SGSH: variants seen among roughly 807,000 people sequenced by gnomAD.
SGSH encodes N-sulfoglucosamine sulfohydrolase, also known as heparan sulfate sulfatase.
Under a neutral mutation model 51.0 loss-of-function variants are expected in SGSH, and 48 were observed. The ratio of observed to expected loss-of-function variants is 0.94; its 90% confidence interval spans 0.75 to 1.20. SGSH has a LOEUF of 1.20. Ranked by LOEUF, SGSH falls within the 50% of genes most tolerant of loss-of-function variation. The pLI is 0.00. For missense variants in SGSH, 662 were observed against 717.8 expected (o/e 0.92, Z 0.89); for synonymous variants, 321 against 313.4 (o/e 1.02, Z -0.26).
chr17:80,213,131 T>A lies in SGSH; in HGVS notation c.745+673A>T, dbSNP rs1244940559. 1.3e-5 allele frequency: 2 copies of A among 151,026 alleles called. No homozygotes were observed. The highest frequency in any genetic ancestry group is 3.9e-4 in the East Asian group (2 of 5,154). The allele number at this position is 151,026 out of a possible 1,614,324, so 9.4% of individuals were successfully genotyped here. A position where few individuals can be genotyped will look rare whatever the true frequency, so the allele number is the denominator to read the frequency against. The stretch of plus-strand genomic sequence containing the variant: ...ATCGCTCGAACCTGGGAGGTGGTGG[T>A]TGTAGTGAGCCGAGATTGCGCCACT... On this transcript the variant is annotated intron_variant, in intron 6 of 7. Coordinates refer to ENST00000326317, the MANE Select transcript of SGSH (RefSeq NM_000199.5). This position sits in a 1 kb window ranked among gnomAD's most constrained non-coding sequence, Gnocchi z 4.6.
At chr17:80,203,073 G>C (rs957607446), downstream of SGSH, 1 of 152,394 alleles carries the variant, frequency 6.6e-6, no homozygotes, top group African/African-American at 2.4e-5. The surrounding 1 kb of genome is among the most constrained non-coding windows in gnomAD (Gnocchi z 4.6). Flanking sequence ...TTCGAGACCA[G>C]CCTGGGTAAC....
chr17:80,210,221 T>C lies in SGSH; in HGVS notation c.*231A>G, dbSNP rs967879992. 4.9e-6 allele frequency: 7 copies of C among 1,420,146 alleles called. No individual in the cohort carries two copies. The highest frequency in any genetic ancestry group is 1.4e-5 in the African/African-American group (1 of 69,460). The allele number at this position is 1,420,146 out of a possible 1,614,324, so 88.0% of individuals were successfully genotyped here. On this transcript the variant is annotated 3_prime_UTR_variant, in exon 8 of 8. Coordinates refer to ENST00000326317, the MANE Select transcript of SGSH (RefSeq NM_000199.5). Reference sequence around the variant, plus strand: ...ACAAGGACAACTGTGTCCCCTGCCATGACGGCAGTGCCCCTGGTGGTGGAG... The same window carrying C: ...ACAAGGACAACTGTGTCCCCTGCCACGACGGCAGTGCCCCTGGTGGTGGAG...
chr17:80,219,505 C>T (rs542021091), intron 1 of SGSH, among the ~76,000 whole-genome samples: 5 of 152,256 alleles, frequency 3.3e-5, no homozygotes, highest in African/African-American at 1.2e-4. Flanking sequence ...TTCTGGGAGG[C>T]GAGGAGTTGG....
intron 2 of SGSH, chr17:80,216,588 A>G (rs1174016371): frequency 5.1e-6 from 1 of 194,856 alleles, no homozygotes; most frequent in Non-Finnish European, 1.1e-5. Flanking sequence ...ATTTTACCAC[A>G]GTAAAATAGG....
At chr17:80,205,509 C>A, downstream of SGSH, 1 of 1,577,196 alleles carries the variant, frequency 6.3e-7, no homozygotes, top group South Asian at 1.2e-5. Context: ...TCTATGATGG[C>A]CCCGTCCAAT....
chr17:80,203,070 C>T (rs1421585211), downstream of SGSH: 1 of 152,390 alleles, frequency 6.6e-6, no homozygotes, highest in Non-Finnish European at 1.5e-5. This position sits in a 1 kb window ranked among gnomAD's most constrained non-coding sequence, Gnocchi z 4.6. Flanking sequence ...GAGTTCGAGA[C>T]CAGCCTGGGT....
rs922205597 is a variant in SGSH, at chr17:80,210,814, G to T, written c.1147C>A (p.His383Asn). 2 of 1,613,958 alleles carry T rather than the reference G, an allele frequency of 1.2e-6. No individual in the cohort carries two copies. The highest frequency in any genetic ancestry group is 2.7e-5 in the African/African-American group (2 of 74,938). The change falls in exon 8 of 8, where the codon CAC becomes AAC. Residue 383 changes from histidine (H) to asparagine (N), a missense_variant. Coordinates refer to ENST00000326317, the MANE Select transcript of SGSH (RefSeq NM_000199.5). ...TTGAGGTTGTGCACGAGGCGGAAGT[G>T]CCGGTGCTGCACGGAGCGCATGGGG... Reference protein sequence around the residue: ...SYPMRSVQHRHFRLVHNLNFK... With the variant: ...SYPMRSVQHRNFRLVHNLNFK...
At chr17:80,205,420 G>T, downstream of SGSH, 1 of 1,427,876 alleles carries the variant, frequency 7.0e-7, no homozygotes. Context: ...ATCCTAAGAA[G>T]AGCTTCTCCC....
chr17:80,200,971 C>T, the SGSH span: 1 of 152,446 alleles, frequency 6.6e-6, no homozygotes, highest in Non-Finnish European at 1.5e-5. Flanking sequence ...CACTTGCCCA[C>T]CACGCCCCTC....
downstream of SGSH, chr17:80,202,090 C>A: frequency 3.3e-6 from 4 of 1,230,560 alleles, no homozygotes; most frequent in East Asian, 2.3e-5. Flanking sequence ...TGGGAGGGTC[C>A]TTCCTTCTCT....
rs576879796 is a variant in SGSH at position 80,210,383 on chromosome 17, G to A, written c.*69C>T. The stretch of plus-strand genomic sequence containing the variant: ...GTTGCCACTACTCCCCAGGCTGGCC[G>A]GCCACACGGACACGTGTGGGATGTG... On this transcript the variant is annotated 3_prime_UTR_variant, in exon 8 of 8. Coordinates refer to ENST00000326317, the MANE Select transcript of SGSH (RefSeq NM_000199.5). 235 of 1,488,308 alleles carry A rather than the reference G, an allele frequency of 1.6e-4. 1 individual carries two copies. In the South Asian group the frequency reaches 2.8e-3, roughly 18 times the overall value. The allele number at this position is 1,488,308 out of a possible 1,614,324, so 92.2% of individuals were successfully genotyped here.
chr17:80,215,680 G>A (rs1236255724), intron 2 of SGSH, among the ~76,000 whole-genome samples: 4 of 152,150 alleles, frequency 2.6e-5, no homozygotes, highest in Non-Finnish European at 5.9e-5. Context: ...TTAGCTGGGC[G>A]TGGTGGCGGG....
rs1039649175 is a variant in SGSH at position 80,209,901 on chromosome 17, G to A, written c.*551C>T. On this transcript the variant is annotated 3_prime_UTR_variant, in exon 8 of 8. Coordinates refer to ENST00000326317, the MANE Select transcript of SGSH (RefSeq NM_000199.5). ...CAGAAGAAGCAGAAACCTGCCCAAA[G>A]GTCGCTCAAAGGCTTCCTCTAGGCC... 52 of 992,400 alleles carry A rather than the reference G, an allele frequency of 5.2e-5. No homozygotes were observed. Among genetic ancestry groups the A allele is most frequent in the Non-Finnish European group, 6.1e-5 (51 of 833,736 alleles). 61.5% of individuals were successfully genotyped at this position (992,400 alleles called of 1,614,324 possible). A position where few individuals can be genotyped will look rare whatever the true frequency, so the allele number is the denominator to read the frequency against.
Position 80,213,507 on chromosome 17 carries a change from C to T in SGSH, c.745+297G>A, listed in dbSNP as rs1177913343. 1 of 515,764 alleles carries T rather than the reference C, an allele frequency of 1.9e-6. No homozygotes were observed. The highest frequency in any genetic ancestry group is 3.3e-5 in the East Asian group (1 of 30,680). The allele number at this position is 515,764 out of a possible 1,614,324, so 31.9% of individuals were successfully genotyped here. On this transcript the variant is annotated intron_variant, in intron 6 of 7. Transcript: ENST00000326317. This position sits in a 1 kb window ranked among gnomAD's most constrained non-coding sequence, Gnocchi z 4.6. ...CTCCATCTGCATATGCTAAGGAACT[C>T]CAAACCCCCAAATCTGACCCAGGTC... is the stretch of plus-strand genomic sequence containing the variant.
Position 80,212,006 on chromosome 17 carries a change from C to A in SGSH, c.949+65G>T. 7.4e-7 allele frequency: 1 copy of A among 1,355,962 alleles called. No individual in the cohort carries two copies. The allele number at this position is 1,355,962 out of a possible 1,614,324, so 84.0% of individuals were successfully genotyped here. The stretch of plus-strand genomic sequence containing the variant: ...GTAATGGGTGTGGAGCAGCATCTGA[C>A]AGGTCATGGCCCCGTCCCAGATCCA... On this transcript the variant is annotated intron_variant, in intron 7 of 7. Transcript: ENST00000326317. The surrounding 1 kb of genome is among the most constrained non-coding windows in gnomAD (Gnocchi z 5.9).
chr17:80,208,697 GC>G (rs1295146857), downstream of SGSH: 6 of 227,668 alleles, frequency 2.6e-5, no homozygotes, highest in Non-Finnish European at 3.4e-5. Flanking sequence ...CTGTCTGCAG[GC>G]CCGATTCAAA....
Position 80,212,136 on chromosome 17 carries a change from A to T in SGSH, c.884T>A (p.Leu295Gln), listed in dbSNP as rs1269124490. ...TTTTGGGTGCTCCGGGGATGACACC[A>T]GTAAGGGTTCAGCAGTGCCCGGCCA... ...LYWPGTAEPL[L>Q]VSSPEHPKRW... Residue 295 changes from leucine (L) to glutamine (Q), a missense_variant, in exon 7 of 8, where the codon CTG becomes CAG. Leu to Gln is a moderately radical substitution (Grantham distance 113). Coordinates refer to ENST00000326317, the MANE Select transcript of SGSH (RefSeq NM_000199.5). The surrounding 1 kb of genome is among the most constrained non-coding windows in gnomAD (Gnocchi z 5.9). The T allele has an allele frequency of 6.2e-7, 1 of 1,613,624 alleles. No individual in the cohort carries two copies. Among genetic ancestry groups the T allele is most frequent in the East Asian group, 2.2e-5 (1 of 44,884 alleles).
At chr17:80,218,233 C>T (rs750644780) in intron 1 of SGSH, among the ~76,000 whole-genome samples, 4 of 152,234 alleles carry the variant, frequency 2.6e-5, no homozygotes, top group South Asian at 2.1e-4. Flanking sequence ...TATGTGTGTG[C>T]GTCCCACCGC....
At chr17:80,202,192 T>C (rs1321147079), downstream of SGSH, 1 of 1,613,748 alleles carries the variant, frequency 6.2e-7, no homozygotes, top group East Asian at 2.2e-5. Flanking sequence ...TATAAGAGGC[T>C]ACTCCAGGAC....
Sources: allele counts gnomAD v4.1 joint callset (sites outside exome capture counted in the v4.1 genomes callset), GRCh38; gene constraint gnomAD v4.1.1; non-coding constraint Gnocchi (gnomAD v3.1); transcripts MANE v1.5; gene names NCBI Gene and HGNC (gene_info 2026-07-23, HGNC 2026-07-21).